Variants in PLEKHH2 observed in about 807,000 individuals in gnomAD.
The protein encoded by PLEKHH2 is pleckstrin homology, MyTH4 and FERM domain containing H2, also known as pleckstrin homology domain-containing family H member 2.
In PLEKHH2, 129 loss-of-function variants were observed where a neutral mutation model predicts 187.9. The ratio of observed to expected loss-of-function variants is 0.69; its 90% CI spans 0.59 to 0.79. PLEKHH2 has a LOEUF of 0.79. Ranked by LOEUF, PLEKHH2 falls within the 30% of genes least tolerant of loss-of-function variation. PLEKHH2 has a pLI of 0.00. For synonymous variants in PLEKHH2, 686 were observed against 605.6 expected, an observed-to-expected ratio of 1.13 and a Z score of -1.95; for missense variants, 2,076 against 1,751.2, an observed-to-expected ratio of 1.19 and a Z score of -3.31.
chr2:43,639,185 A>G (rs1703253985), intron 1 of PLEKHH2, among the ~76,000 whole-genome samples: 2 of 152,222 alleles, frequency 1.3e-5, no homozygotes, highest in Admixed American at 6.5e-5. Flanking sequence ...AAATTTGTAA[A>G]TGCAGTCCTA....
chr2:43,679,417 G>C (rs976323720), intron 3 of PLEKHH2: 1 of 290,750 alleles, frequency 3.4e-6, no homozygotes, highest in Non-Finnish European at 6.7e-6. Context: ...TAAAAAAAAA[G>C]GCTGAGAGGA....
Position 43,757,144 on chromosome 2 carries a change from C to T in PLEKHH2, c.3821C>T (p.Pro1274Leu). 1.9e-6 allele frequency: 3 copies of T among 1,583,026 alleles called. No homozygotes were observed. Among genetic ancestry groups the T allele is most frequent in the Non-Finnish European group, 2.6e-6 (3 of 1,168,154 alleles). ...SQVEIGDFER[P>L]FSTPAGHVTN... is the part of the protein sequence containing the mutation. Reference sequence around the variant, plus strand: ...GTAGAGATTGGAGATTTTGAAAGACCTTTCTCAACTCCAGCAGGGCATGTT... The same window carrying T: ...GTAGAGATTGGAGATTTTGAAAGACTTTTCTCAACTCCAGCAGGGCATGTT... Residue 1274 changes from proline (P) to leucine (L), a missense_variant, in exon 26 of 30, where the codon CCT becomes CTT. By Grantham distance (98) the Pro-to-Leu change is moderately conservative. Coordinates refer to ENST00000282406, the MANE Select transcript of PLEKHH2 (RefSeq NM_172069.4).
At chr2:43,726,017 C>T (rs1212722078) in intron 16 of PLEKHH2, among the ~76,000 whole-genome samples, 1 of 150,222 alleles carries the variant, frequency 6.7e-6, no homozygotes, top group African/African-American at 2.5e-5. Context: ...ATTTGGGAGG[C>T]TGAGATGGAA....
intron 2 of PLEKHH2, among the ~76,000 whole-genome samples, chr2:43,666,100 A>T (rs1441313530): frequency 2.0e-5 from 3 of 149,552 alleles, no homozygotes; most frequent in Non-Finnish European, 4.4e-5. Flanking sequence ...GTTTGATCTC[A>T]GACTGCTGTG....
intron 24 of PLEKHH2, among the ~76,000 whole-genome samples, chr2:43,748,010 A>G (rs1671848310): frequency 6.6e-6 from 1 of 152,166 alleles, no homozygotes; most frequent in South Asian, 2.1e-4. Context: ...GTTTTTGTTA[A>G]AAACTTGGGA....
At chr2:43,713,610 C>T (rs532567608) in intron 15 of PLEKHH2, among the ~76,000 whole-genome samples, 164 of 150,402 alleles carry the variant, frequency 1.1e-3, no homozygotes, top group Non-Finnish European at 2.1e-3. Flanking sequence ...GGGAAATATA[C>T]CAAAGTATAT....
chr2:43,744,195 A>C, intron 23 of PLEKHH2: 2 of 1,112,296 alleles, frequency 1.8e-6, no homozygotes, highest in Non-Finnish European at 2.3e-6. Context: ...TACACATTCC[A>C]TATTAAAGAG....
At chr2:43,706,727 C>G (rs1669674520) in intron 10 of PLEKHH2, among the ~76,000 whole-genome samples, 1 of 152,136 alleles carries the variant, frequency 6.6e-6, no homozygotes, top group East Asian at 1.9e-4. Context: ...CTAATTTAGG[C>G]AGATCTTTGT....
chr2:43,712,370 G>A lies in PLEKHH2; in HGVS notation c.2447G>A (p.Gly816Glu). 2 of 1,614,076 alleles carry A rather than the reference G, an allele frequency of 1.2e-6. No homozygotes were observed. Among genetic ancestry groups the A allele is most frequent in the Non-Finnish European group, 1.7e-6 (2 of 1,180,004 alleles). The change falls in exon 15 of 30, where the codon GGA becomes GAA. Residue 816 changes from glycine to glutamate, a missense_variant. Coordinates refer to ENST00000282406, the MANE Select transcript of PLEKHH2 (RefSeq NM_172069.4). ...CCTGAGGGCAAACCCACCATGAAGG[G>A]ATTGCTCACTAAGGTAGGAACCTCC... ...LQPEGKPTMK[G>E]LLTKVKHGYS... is the part of the protein sequence containing the mutation.
chr2:43,753,181 T>C (rs1295678690), intron 24 of PLEKHH2, among the ~76,000 whole-genome samples: 3 of 152,234 alleles, frequency 2.0e-5, no homozygotes, highest in Admixed American at 6.5e-5. Flanking sequence ...TTTCGCTTGA[T>C]GTCTTAGGTC....
chr2:43,735,528 T>G (rs989026466), intron 19 of PLEKHH2, among the ~76,000 whole-genome samples: 5 of 152,198 alleles, frequency 3.3e-5, no homozygotes, highest in African/African-American at 1.2e-4. Flanking sequence ...AGGGCAACTA[T>G]AGCTGACAAG....
At chr2:43,751,218 A>T (rs1671997267) in intron 24 of PLEKHH2, among the ~76,000 whole-genome samples, 1 of 152,220 alleles carries the variant, frequency 6.6e-6, no homozygotes, top group Non-Finnish European at 1.5e-5. Context: ...GCATACGTAC[A>T]AGAGGTTGTA....
intron 7 of PLEKHH2, among the ~76,000 whole-genome samples, chr2:43,698,381 A>G (rs1669194610): frequency 6.6e-6 from 1 of 151,512 alleles, no homozygotes; most frequent in South Asian, 2.1e-4. Flanking sequence ...CCTAGTAGCC[A>G]GGACTATAGA....
intron 2 of PLEKHH2, chr2:43,675,164 T>C: frequency 2.4e-6 from 1 of 413,874 alleles, no homozygotes; most frequent in Non-Finnish European, 4.2e-6. Context: ...ATTTTAATAG[T>C]ATATTTTATT....
chr2:43,728,876 T>G (rs1348773270), intron 17 of PLEKHH2, among the ~76,000 whole-genome samples: 1 of 152,174 alleles, frequency 6.6e-6, no homozygotes, highest in Non-Finnish European at 1.5e-5. Flanking sequence ...ATACTCTTTT[T>G]AAAATAATTT....
chr2:43,711,985 C>A, intron 14 of PLEKHH2: 2 of 1,227,484 alleles, frequency 1.6e-6, no homozygotes, highest in South Asian at 2.0e-5. Flanking sequence ...AAATCATAAC[C>A]CCAAAATTAG....
intron 3 of PLEKHH2, 48 bp downstream of exon 3, chr2:43,678,973 TAAAG>T (rs1558471827): frequency 7.7e-7 from 1 of 1,294,488 alleles, no homozygotes; most frequent in Non-Finnish European, 1.1e-6. Flanking sequence ...ACTACTCACA[TAAAG>T]ATTGTTTTGC....
intron 3 of PLEKHH2, among the ~76,000 whole-genome samples, chr2:43,683,277 C>T (rs928039577): frequency 2.0e-5 from 3 of 151,236 alleles, no homozygotes; most frequent in Non-Finnish European, 2.9e-5. Flanking sequence ...TCCCGAGTAG[C>T]TGGGATTACA....
chr2:43,672,745 A>C (rs1574510577), intron 2 of PLEKHH2, among the ~76,000 whole-genome samples: 2 of 152,092 alleles, frequency 1.3e-5, no homozygotes, highest in Admixed American at 1.3e-4. Flanking sequence ...AGTTTCTAAC[A>C]CCCATTTTTT....
Sources: allele counts gnomAD v4.1 joint callset (sites outside exome capture counted in the v4.1 genomes callset), GRCh38; gene constraint gnomAD v4.1.1; transcripts MANE v1.5; gene names NCBI Gene and HGNC (gene_info 2026-07-23, HGNC 2026-07-21).